Variants in PRTFDC1 observed in about 807,000 individuals in gnomAD.
PRTFDC1 encodes the protein phosphoribosyl transferase domain containing 1, also known as phosphoribosyltransferase domain-containing protein 1.
Under a neutral mutation model 34.6 loss-of-function variants are expected in PRTFDC1, and 38 were observed. That is an observed-to-expected ratio of 1.10 (90% confidence interval 0.85 to 1.44). PRTFDC1 has a LOEUF of 1.44. Ranked by LOEUF, PRTFDC1 falls within the 40% of genes most tolerant of loss-of-function variation. The pLI, the probability that PRTFDC1 is intolerant of heterozygous loss-of-function variation, is 0.00. For synonymous variants in PRTFDC1, 93 were observed against 98.1 expected (o/e 0.95, Z 0.31); for missense variants, 270 against 283.0 (o/e 0.95, Z 0.33).
chr10:24,879,558 G>C (rs759249558), intron 3 of PRTFDC1, among the ~76,000 whole-genome samples: 6 of 151,788 alleles, frequency 4.0e-5, no homozygotes, highest in Non-Finnish European at 8.8e-5. Context: ...ATGTCGGCTA[G>C]GCTGGTCTGG....
chr10:24,856,030 C>T (rs1394332237), intron 6 of PRTFDC1, among the ~76,000 whole-genome samples: 1 of 137,142 alleles, frequency 7.3e-6, no homozygotes, highest in East Asian at 2.3e-4. Context: ...AAGAGAATTG[C>T]TCGAACCCGG....
Position 24,952,453 on chromosome 10 carries a change from G to A in PRTFDC1, c.48+75C>T. On this transcript the variant is annotated intron_variant, in intron 1 of 8. Transcript: ENST00000320152. This position sits in a 1 kb window ranked among gnomAD's most constrained non-coding sequence, Gnocchi z 5.1. ...CTCTCTCTCCCCCGACGCACGGCAAGCATTTAATCTACAAGCAGGGTGCCA... is the reference window on the plus strand; with the variant it reads ...CTCTCTCTCCCCCGACGCACGGCAAACATTTAATCTACAAGCAGGGTGCCA... The A allele has an allele frequency of 6.8e-7, 1 of 1,478,296 alleles. No individual in the cohort carries two copies. Among genetic ancestry groups the A allele is most frequent in the East Asian group, 2.5e-5 (1 of 40,304 alleles). 91.6% of individuals were successfully genotyped at this position (1,478,296 alleles called of 1,614,324 possible).
chr10:24,851,614 G>GGT, intron 7 of PRTFDC1, 150 bp from the exon 8 acceptor site: 1 of 1,308,368 alleles, frequency 7.6e-7, no homozygotes, highest in Non-Finnish European at 1.0e-6. Context: ...CACACGATGA[G>GGT]CCCAAGAGGG....
intron 3 of PRTFDC1, among the ~76,000 whole-genome samples, chr10:24,895,688 G>GATAGAT (rs1555048844): frequency 6.3e-4 from 30 of 47,412 alleles, no homozygotes; most frequent in Middle Eastern, 0.018. Context: ...AGCTGGGGTG[G>GATAGAT]ATATATATAT....
At chr10:24,877,155 G>C (rs751371777) in intron 3 of PRTFDC1, among the ~76,000 whole-genome samples, 1 of 151,970 alleles carries the variant, frequency 6.6e-6, no homozygotes, top group South Asian at 2.1e-4. Context: ...CTATTAGGCT[G>C]AGTCAGTGCT....
At chr10:24,934,224 AAGAAGAAGAAGAAGAAGAAGAAGG>A (rs1288642896) in intron 3 of PRTFDC1, among the ~76,000 whole-genome samples, 6 of 106,044 alleles carry the variant, frequency 5.7e-5, no homozygotes, top group Admixed American at 8.8e-5. Context: ...AAAGAAGAAG[AAGAAGAAGAAGAAGAAGAAGAAGG>A]AGAAGAAGAA....
intron 3 of PRTFDC1, among the ~76,000 whole-genome samples, chr10:24,900,792 T>C (rs1054505982): frequency 6.6e-6 from 1 of 152,162 alleles, no homozygotes; most frequent in Non-Finnish European, 1.5e-5. Flanking sequence ...AAAAAATAAA[T>C]AACCTGGGTA....
intron 3 of PRTFDC1, among the ~76,000 whole-genome samples, chr10:24,932,576 A>G (rs550938178): frequency 1.3e-5 from 2 of 152,144 alleles, no homozygotes; most frequent in African/African-American, 2.4e-5. Context: ...ATATATAAGT[A>G]TATATCTAAC....
chr10:24,912,292 A>G (rs1260255241), intron 3 of PRTFDC1, among the ~76,000 whole-genome samples: 2 of 142,252 alleles, frequency 1.4e-5, no homozygotes, highest in South Asian at 2.1e-4. Flanking sequence ...AAAAAAAAAA[A>G]AAAGAAAGAA....
chr10:24,916,769 T>C (rs964096239), intron 3 of PRTFDC1, among the ~76,000 whole-genome samples: 1 of 152,222 alleles, frequency 6.6e-6, no homozygotes, highest in African/African-American at 2.4e-5. Context: ...TCGTTTTGTT[T>C]TATTTTCAAT....
chr10:24,887,256 CA>C (rs1565266661), intron 3 of PRTFDC1, among the ~76,000 whole-genome samples: 1 of 152,084 alleles, frequency 6.6e-6, no homozygotes, highest in African/African-American at 2.4e-5. Flanking sequence ...AGGCGTGAGC[CA>C]CCGCGCCCGG....
chr10:24,942,532 C>A, intron 1 of PRTFDC1, 96 bp from the exon 2 acceptor site: 1 of 1,019,658 alleles, frequency 9.8e-7, no homozygotes, highest in Non-Finnish European at 1.5e-6. Flanking sequence ...ATTCCCTCAA[C>A]TTATGAAAAG....
chr10:24,906,778 C>T (rs138058536), intron 3 of PRTFDC1, among the ~76,000 whole-genome samples: 8 of 152,274 alleles, frequency 5.3e-5, no homozygotes, highest in African/African-American at 1.7e-4. Context: ...CACCTGCTCT[C>T]GAGAGCTGGC....
At chr10:24,934,248 G>GAAGAAGGAGA (rs1849015378) in intron 3 of PRTFDC1, among the ~76,000 whole-genome samples, 2 of 97,238 alleles carry the variant, frequency 2.1e-5, no homozygotes, top group Non-Finnish European at 5.2e-5. Flanking sequence ...GAAGAAGAAG[G>GAAGAAGGAGA]AGAAGAAGAA....
intron 3 of PRTFDC1, among the ~76,000 whole-genome samples, chr10:24,878,445 G>A (rs1014637920): frequency 1.3e-5 from 2 of 152,170 alleles, no homozygotes; most frequent in South Asian, 2.1e-4. Flanking sequence ...ACACCAAGGG[G>A]TGCAGGATCT....
chr10:24,925,987 C>T (rs1261572413), intron 3 of PRTFDC1, among the ~76,000 whole-genome samples: 2 of 152,218 alleles, frequency 1.3e-5, no homozygotes, highest in African/African-American at 4.8e-5. Context: ...GTCCCTTGTC[C>T]TGTGCCCACG....
intron 1 of PRTFDC1, among the ~76,000 whole-genome samples, chr10:24,947,757 G>T (rs1216948198): frequency 6.6e-6 from 1 of 151,862 alleles, no homozygotes; most frequent in Non-Finnish European, 1.5e-5. Context: ...TCTCCTTCAG[G>T]CCATAGCTCT....
chr10:24,855,259 T>G lies in PRTFDC1; in HGVS notation c.553+59A>C, dbSNP rs532492449. The G allele has an allele frequency of 5.8e-5, 88 of 1,513,950 alleles. 1 individual carries two copies. Among genetic ancestry groups the G allele is most frequent in the Admixed American group, 3.1e-4 (17 of 55,426 alleles). 93.8% of individuals were successfully genotyped at this position (1,513,950 alleles called of 1,614,324 possible). ...AAACCAAAGATTCTTAAACATAAAA[T>G]GAAACACCATAAGCACAAAACAAAC... On this transcript the variant is annotated intron_variant, in intron 7 of 8. Coordinates refer to ENST00000320152, the MANE Select transcript of PRTFDC1 (RefSeq NM_020200.7).
rs995581939 is a variant in PRTFDC1 at position 24,952,444 on chromosome 10, G to T, written c.48+84C>A. On this transcript the variant is annotated intron_variant, in intron 1 of 8. Coordinates refer to ENST00000320152, the MANE Select transcript of PRTFDC1 (RefSeq NM_020200.7). This position sits in a 1 kb window ranked among gnomAD's most constrained non-coding sequence, Gnocchi z 5.1. ...GCGGTGGCCCTCTCTCTCCCCCGAC[G>T]CACGGCAAGCATTTAATCTACAAGC... 5.5e-6 allele frequency: 8 copies of T among 1,450,364 alleles called. No individual in the cohort carries two copies. The African/African-American group carries it at 9.9e-5, about 18-fold the overall frequency. 89.8% of individuals were successfully genotyped at this position (1,450,364 alleles called of 1,614,324 possible). A position where few individuals can be genotyped will look rare whatever the true frequency, so the allele number is the denominator to read the frequency against.
Sources: allele counts gnomAD v4.1 joint callset (sites outside exome capture counted in the v4.1 genomes callset), GRCh38; gene constraint gnomAD v4.1.1; non-coding constraint Gnocchi (gnomAD v3.1); transcripts MANE v1.5; gene names NCBI Gene and HGNC (gene_info 2026-07-23, HGNC 2026-07-21).